RAB38: variants seen among roughly 807,000 people sequenced by gnomAD.
RAB38 encodes ras-related protein Rab-38.
RAB38 carries 15 observed loss-of-function variants against 18.4 expected under a neutral mutation model. That is an observed-to-expected ratio of 0.82 (90% CI 0.55 to 1.26). The LOEUF is 1.26. Ranked by LOEUF, RAB38 falls within the 50% of genes most tolerant of loss-of-function variation. The pLI, the probability that RAB38 is intolerant of heterozygous loss-of-function variation, is 0.00. For missense variants in RAB38, 294 were observed against 267.4 expected, an observed-to-expected ratio of 1.10 and a Z score of -0.69; for synonymous variants, 101 against 104.4, an observed-to-expected ratio of 0.97 and a Z score of 0.20.
the RAB38 span, among the ~76,000 whole-genome samples, chr11:87,977,970 A>G: frequency 8.9e-6 from 1 of 112,832 alleles, no homozygotes; most frequent in Non-Finnish European, 1.7e-5. Context: ...AATAAGATAT[A>G]TTATATAAAT....
the RAB38 span, among the ~76,000 whole-genome samples, chr11:87,897,007 G>A: frequency 6.6e-6 from 1 of 151,614 alleles, no homozygotes; most frequent in Non-Finnish European, 1.5e-5. Context: ...CAATCTTACT[G>A]ATCTTTTTGC....
the RAB38 span, among the ~76,000 whole-genome samples, chr11:87,951,744 TTGTTCCTC>T: frequency 6.6e-6 from 1 of 152,078 alleles, no homozygotes; most frequent in East Asian, 1.9e-4. Flanking sequence ...TGCTCCCTGA[TTGTTCCTC>T]TGGAAGTTTT....
At chr11:88,145,568 T>C (rs1942974881) in intron 2 of RAB38, among the ~76,000 whole-genome samples, 1 of 152,138 alleles carries the variant, frequency 6.6e-6, no homozygotes, top group African/African-American at 2.4e-5. Context: ...TACCAGGTAA[T>C]TTGTTCAGCA....
the RAB38 span, among the ~76,000 whole-genome samples, chr11:88,028,225 C>G: frequency 1.6e-4 from 25 of 152,198 alleles, no homozygotes; most frequent in Non-Finnish European, 2.5e-4. Context: ...AAAAACCCAT[C>G]TGTTCATCAC....
At chr11:88,175,101 G>A (rs1483501125) in intron 1 of RAB38, 82 bp downstream of exon 1, 3 of 1,407,926 alleles carry the variant, frequency 2.1e-6, no homozygotes, top group Non-Finnish European at 2.8e-6. Context: ...TTAATCTCAC[G>A]CTTGGCCGCA....
chr11:87,956,326 A>C, the RAB38 span, among the ~76,000 whole-genome samples: 2 of 152,088 alleles, frequency 1.3e-5, no homozygotes, highest in African/African-American at 2.4e-5. Context: ...CACAGAGCAT[A>C]ACACTAGAAT....
chr11:87,892,568 G>T, the RAB38 span, among the ~76,000 whole-genome samples: 1 of 151,802 alleles, frequency 6.6e-6, no homozygotes, highest in Admixed American at 6.6e-5. Flanking sequence ...GCAGAGCATA[G>T]CCAATCAAGC....
At chr11:88,013,790 C>T in the RAB38 span, among the ~76,000 whole-genome samples, 1 of 152,098 alleles carries the variant, frequency 6.6e-6, no homozygotes, top group Non-Finnish European at 1.5e-5. Flanking sequence ...AAACCCAGGA[C>T]TGGAATGAAA....
At chr11:88,039,185 A>G in the RAB38 span, among the ~76,000 whole-genome samples, 2 of 152,210 alleles carry the variant, frequency 1.3e-5, no homozygotes, top group Non-Finnish European at 2.9e-5. Flanking sequence ...CCTGTAAGCA[A>G]TGAAAAAGGA....
chr11:88,121,220 A>T (rs1000536129), intron 2 of RAB38, among the ~76,000 whole-genome samples: 1 of 152,156 alleles, frequency 6.6e-6, no homozygotes, highest in Non-Finnish European at 1.5e-5. Flanking sequence ...CTTGAAAACA[A>T]GGATTATCTT....
chr11:87,869,382 G>C, the RAB38 span, among the ~76,000 whole-genome samples: 1 of 151,570 alleles, frequency 6.6e-6, no homozygotes, highest in Non-Finnish European at 1.5e-5. Flanking sequence ...AGCACTCATA[G>C]TTTCTTGGTC....
the RAB38 span, among the ~76,000 whole-genome samples, chr11:88,097,371 T>A: frequency 6.6e-6 from 1 of 152,034 alleles, no homozygotes; most frequent in East Asian, 1.9e-4. Context: ...GTTTATAAAC[T>A]GTCAGGAAGA....
the RAB38 span, among the ~76,000 whole-genome samples, chr11:88,078,073 C>A: frequency 6.6e-6 from 1 of 151,980 alleles, no homozygotes; most frequent in Admixed American, 6.6e-5. Flanking sequence ...ATTAAAAAAT[C>A]CTCAACATCA....
At chr11:88,083,141 T>C in the RAB38 span, among the ~76,000 whole-genome samples, 33 of 151,930 alleles carry the variant, frequency 2.2e-4, no homozygotes, top group African/African-American at 7.0e-4. Flanking sequence ...CTCACTTCCT[T>C]CAGTGTTTAT....
At chr11:88,114,483 A>G (rs1942521488) in intron 2 of RAB38, among the ~76,000 whole-genome samples, 1 of 152,244 alleles carries the variant, frequency 6.6e-6, no homozygotes, top group East Asian at 1.9e-4. Context: ...AATCTGACTT[A>G]GATTTATAAT....
chr11:87,920,029 T>G, the RAB38 span, among the ~76,000 whole-genome samples: 1 of 151,988 alleles, frequency 6.6e-6, no homozygotes, highest in Non-Finnish European at 1.5e-5. Flanking sequence ...CTCCCTTTAT[T>G]TGAGACTTCT....
the RAB38 span, among the ~76,000 whole-genome samples, chr11:87,976,856 G>T: frequency 1.2e-5 from 1 of 86,416 alleles, no homozygotes; most frequent in African/African-American, 4.3e-5. Context: ...GTTATATAAT[G>T]TATTATATAT....
At chr11:87,884,759 C>A in the RAB38 span, among the ~76,000 whole-genome samples, 1 of 151,892 alleles carries the variant, frequency 6.6e-6, no homozygotes, top group Non-Finnish European at 1.5e-5. Flanking sequence ...TTAATTCCCA[C>A]AACTAAGGCC....
At chr11:87,854,920 G>A in the RAB38 span, among the ~76,000 whole-genome samples, 2 of 151,872 alleles carry the variant, frequency 1.3e-5, no homozygotes, top group Non-Finnish European at 2.9e-5. Context: ...TCAGCCTCCC[G>A]AGTAGCTGGG....
Sources: allele counts gnomAD v4.1 joint callset (sites outside exome capture counted in the v4.1 genomes callset), GRCh38; gene constraint gnomAD v4.1.1; transcripts MANE v1.5; gene names NCBI Gene and HGNC (gene_info 2026-07-23, HGNC 2026-07-21).